The following MYH10 variants were observed in gnomAD, a reference collection of about 807,000 sequenced individuals.
MYH10 encodes the protein myosin heavy chain 10.
A neutral mutation model predicts 257.8 loss-of-function variants in MYH10; 55 were observed. The ratio of observed to expected loss-of-function variants is 0.21; its 90% CI spans 0.17 to 0.27. The LOEUF (loss-of-function observed/expected upper bound fraction) is 0.27. Among genes scored for constraint, MYH10 ranks in the 10% least tolerant of loss-of-function variants. MYH10 has a pLI of 1.00. For synonymous variants in MYH10, 854 were observed against 921.7 expected, an observed-to-expected ratio of 0.93 and a Z score of 1.33; for missense variants, 1,631 against 2,500.6, an observed-to-expected ratio of 0.65 and a Z score of 7.42.
chr17:8,482,303 G>A (rs1298917670), intron 37 of MYH10, among the ~76,000 whole-genome samples: 1 of 152,188 alleles, frequency 6.6e-6, no homozygotes, highest in African/African-American at 2.4e-5. Flanking sequence ...GGTGTCTTAG[G>A]AGCAGGGCTG....
rs757550834 is a variant in MYH10, at chr17:8,487,554, T to A, written c.4925A>T (p.Gln1642Leu). Residue 1642 changes from glutamine (Q) to leucine (L), a missense_variant, in exon 36 of 43, where the codon CAG becomes CTG. Physicochemically the swap from Gln to Leu is moderately radical, Grantham distance 113 (BLOSUM62 -2). This residue lies in a region of MYH10 where 463 missense variants were observed against 621.8 expected (regional missense o/e 0.74). Transcript: ENST00000360416. ...CTTTGAAGCTACAGCAAGCGCCCGCTGTTTCCTCTCATCCTCCAGCTCCGC... is the reference window on the plus strand; with the variant it reads ...CTTTGAAGCTACAGCAAGCGCCCGCAGTTTCCTCTCATCCTCCAGCTCCGC... Reference protein sequence around the residue: ...LEAELEDERKQRALAVASKKK... With the variant: ...LEAELEDERKLRALAVASKKK... 2 of 1,614,208 alleles carry A rather than the reference T, an allele frequency of 1.2e-6. No homozygotes were observed. The highest frequency in any genetic ancestry group is 1.7e-6 in the Non-Finnish European group (2 of 1,180,046).
At chr17:8,579,262 G>C (rs888781623) in intron 4 of MYH10, among the ~76,000 whole-genome samples, 10 of 139,538 alleles carry the variant, frequency 7.2e-5, no homozygotes, top group Non-Finnish European at 1.5e-4. Flanking sequence ...CTGGGCAACA[G>C]AGCAAGACCC....
intron 25 of MYH10, 94 bp from the exon 26 acceptor site, chr17:8,508,771 A>G: frequency 6.7e-7 from 1 of 1,494,320 alleles, no homozygotes. Flanking sequence ...ACTCGAGAGA[A>G]AATAAGTTCT....
At chr17:8,609,742 C>A (rs534341330) in intron 2 of MYH10, among the ~76,000 whole-genome samples, 4 of 152,108 alleles carry the variant, frequency 2.6e-5, no homozygotes, top group African/African-American at 7.2e-5. Flanking sequence ...TATAGGAGAG[C>A]ATCCTTCTTA....
At chr17:8,534,787 G>A (rs2082095193) in intron 16 of MYH10, among the ~76,000 whole-genome samples, 1 of 152,210 alleles carries the variant, frequency 6.6e-6, no homozygotes, top group Non-Finnish European at 1.5e-5. Flanking sequence ...GAAGATACTG[G>A]TTCCTAAAAT....
intron 7 of MYH10, among the ~76,000 whole-genome samples, chr17:8,555,477 T>A (rs111545223): frequency 1.0e-3 from 154 of 152,310 alleles, no homozygotes; most frequent in African/African-American, 3.3e-3. Context: ...CAGGAATTGA[T>A]CATGTATGTA....
chr17:8,484,563 A>G (rs1485489520), intron 36 of MYH10, among the ~76,000 whole-genome samples: 1 of 152,234 alleles, frequency 6.6e-6, no homozygotes, highest in Non-Finnish European at 1.5e-5. Context: ...TCCCTTATGA[A>G]TACAAATGCA....
chr17:8,552,032 C>A lies in MYH10; in HGVS notation c.919+14G>T. The A allele has an allele frequency of 7.2e-7, 1 of 1,390,704 alleles. No homozygotes were observed. The highest frequency in any genetic ancestry group is 9.7e-7 in the Non-Finnish European group (1 of 1,029,278). 86.1% of individuals were successfully genotyped at this position (1,390,704 alleles called of 1,614,324 possible). A position where few individuals can be genotyped will look rare whatever the true frequency, so the allele number is the denominator to read the frequency against. On this transcript the variant is annotated intron_variant, in intron 9 of 42. Transcript: ENST00000360416. This position sits in a 1 kb window ranked among gnomAD's most constrained non-coding sequence, Gnocchi z 4.8. ...TCCAGTGAATATAAAATAGTAAAAA[C>A]CTTTGTAACTTACACTTTAGGTGTT... is the stretch of plus-strand genomic sequence containing the variant.
chr17:8,528,168 A>G (rs2081907793), intron 17 of MYH10, among the ~76,000 whole-genome samples: 1 of 152,224 alleles, frequency 6.6e-6, no homozygotes, highest in South Asian at 2.1e-4. Flanking sequence ...GTGCTGTTCT[A>G]TGAAGGAAAT....
Position 8,518,737 on chromosome 17 carries a change from A to C in MYH10, c.2398T>G (p.Phe800Val), listed in dbSNP as rs1319722167. The change falls in exon 21 of 43, where the codon TTT (phenylalanine) becomes GTT (valine). Residue 800 changes from phenylalanine (F) to valine (V), a missense_variant. Physicochemically the swap from Phe to Val is conservative, Grantham distance 50. Around this residue, in one of 11 missense-constraint regions of MYH10, gnomAD observed 116 missense variants for 221.6 expected, o/e 0.52. Transcript: ENST00000360416. ...NLYRIGQSKI[F>V]FRAGVLAHLE... is the part of the protein sequence containing the mutation. ...TGTGCCAGAACTCCAGCTCTGAAAA[A>C]TATCTTGCTCTGTCCAATTCTGTAC... 1.9e-6 allele frequency: 3 copies of C among 1,614,186 alleles called. No homozygotes were observed. The highest frequency in any genetic ancestry group is 1.1e-5 in the South Asian group (1 of 91,090).
chr17:8,506,662 C>T lies in MYH10; in HGVS notation c.3215-173G>A, dbSNP rs1347492559. ...AACTGCTCAGTCATTTCAAACCCAC[C>T]GAGATCTGGAGGGGAGATAAATTAG... On this transcript the variant is annotated intron_variant, in intron 26 of 42. Transcript: ENST00000360416. This position sits in a 1 kb window ranked among gnomAD's most constrained non-coding sequence, Gnocchi z 5.0. 6.6e-6 allele frequency among the ~76,000 whole-genome samples: 1 copy of T among 152,116 alleles called. No homozygotes were observed. Among genetic ancestry groups the T allele is most frequent in the African/African-American group, 2.4e-5 (1 of 41,416 alleles).
intron 4 of MYH10, among the ~76,000 whole-genome samples, chr17:8,587,754 A>C (rs1230857709): frequency 6.6e-6 from 1 of 152,090 alleles, no homozygotes; most frequent in East Asian, 1.9e-4. Flanking sequence ...AACACCAAAA[A>C]CAAAAATCCT....
intron 27 of MYH10, chr17:8,505,991 T>A (rs997579320): frequency 1.9e-4 from 35 of 184,780 alleles, no homozygotes; most frequent in Non-Finnish European, 1.9e-4. Context: ...AAAAAAAAAA[T>A]AAATAAAACA....
At chr17:8,564,062 ATTC>A (rs2083084917) in intron 7 of MYH10, among the ~76,000 whole-genome samples, 2 of 152,348 alleles carry the variant, frequency 1.3e-5, no homozygotes, top group Admixed American at 1.3e-4. Flanking sequence ...ATTATGAGAG[ATTC>A]TTTTTACATA....
At chr17:8,544,187 T>C (rs1418716799) in intron 13 of MYH10, among the ~76,000 whole-genome samples, 2 of 152,208 alleles carry the variant, frequency 1.3e-5, no homozygotes, top group African/African-American at 4.8e-5. Context: ...CCTTTTCTCA[T>C]GACAAATAAC....
rs146043748 is a variant in MYH10 at position 8,495,343 on chromosome 17, T to C, written c.3952-102A>G. On this transcript the variant is annotated intron_variant, in intron 30 of 42. Coordinates refer to ENST00000360416, the MANE Select transcript of MYH10 (RefSeq NM_001256012.3). The stretch of plus-strand genomic sequence containing the variant: ...AACACAGAGAAGAACTCGGCGGGAG[T>C]GTGAACCTGAAACTACCCATTCAGT... The C allele has an allele frequency of 2.0e-4, 146 of 717,324 alleles. No individual in the cohort carries two copies. The African/African-American group carries it at 2.2e-3, about 11-fold the overall frequency. 44.4% of individuals were successfully genotyped at this position (717,324 alleles called of 1,614,324 possible).
In MYH10 at chr17:8,512,432, T is replaced by C. The variant is rs1180894393; in HGVS notation, c.2952+19A>G. The C allele has an allele frequency of 6.3e-7, 1 of 1,582,796 alleles. No homozygotes were observed. The highest frequency in any genetic ancestry group is 1.8e-5 in the Admixed American group (1 of 55,560). On this transcript the variant is annotated intron_variant, in intron 24 of 42. Coordinates refer to ENST00000360416, the MANE Select transcript of MYH10 (RefSeq NM_001256012.3). ...TGAAAATCCAAAATATGCTTCTAAG[T>C]AAAAATTATTATACATACCTGAATA...
rs150143003 is a variant in MYH10 at position 8,502,570 on chromosome 17, A to G, written c.3600-1600T>C. Among the ~76,000 whole-genome samples, 195 of 152,036 alleles carry G rather than the reference A, an allele frequency of 1.3e-3. 5 individuals are homozygous for G. Among genetic ancestry groups the G allele is most frequent in the Admixed American group, 8.5e-4 (13 of 15,268 alleles). ...TCATCTTCTCTTCTCCAGGCTGAAC[A>G]ACCCCATTTCTTTCAGTTTTTCATC... On this transcript the variant is annotated intron_variant, in intron 28 of 42. Transcript: ENST00000360416.
At chr17:8,517,608 C>T (rs959228692) in intron 21 of MYH10, among the ~76,000 whole-genome samples, 3 of 152,224 alleles carry the variant, frequency 2.0e-5, no homozygotes. Flanking sequence ...CGTTCTCCAC[C>T]ACCACCTTCT....
Sources: allele counts gnomAD v4.1 joint callset (sites outside exome capture counted in the v4.1 genomes callset), GRCh38; gene constraint gnomAD v4.1.1; regional missense constraint gnomAD v4.1.1; non-coding constraint Gnocchi (gnomAD v3.1); transcripts MANE v1.5; gene names NCBI Gene and HGNC (gene_info 2026-07-23, HGNC 2026-07-21).